PRDM5: variants seen among roughly 807,000 people sequenced by gnomAD.
The protein encoded by PRDM5 is PR domain zinc finger protein 5.
In PRDM5, 56 loss-of-function variants were observed where a neutral mutation model predicts 81.2. That is an observed-to-expected ratio of 0.69 (90% CI 0.56 to 0.86). The LOEUF (loss-of-function observed/expected upper bound fraction) is 0.86, where lower values mean the gene tolerates loss of function less well. Among genes scored for constraint, PRDM5 ranks in the 40% least tolerant of loss-of-function variants. PRDM5 has a pLI of 0.00. For missense variants in PRDM5, 697 were observed against 770.1 expected (o/e 0.91, Z 1.12); for synonymous variants, 267 against 256.4 (o/e 1.04, Z -0.39).
chr4:120,762,357 A>G (rs1168319700), intron 13 of PRDM5: 1 of 152,208 alleles, frequency 6.6e-6, no homozygotes, highest in Non-Finnish European at 1.5e-5. Flanking sequence ...AAACCTCAAA[A>G]GTGTATGTTT....
intron 14 of PRDM5, among the ~76,000 whole-genome samples, chr4:120,733,905 A>C (rs1005829951): frequency 7.2e-5 from 11 of 152,056 alleles, no homozygotes; most frequent in Admixed American, 2.0e-4. Flanking sequence ...AAAAAAAAAA[A>C]AACAAAAAAA....
At chr4:120,852,613 T>C (rs1407119854) in intron 3 of PRDM5, among the ~76,000 whole-genome samples, 1 of 152,018 alleles carries the variant, frequency 6.6e-6, no homozygotes, top group East Asian at 1.9e-4. Flanking sequence ...ATTTTAAACT[T>C]ACCAGCTCCT....
intron 2 of PRDM5, among the ~76,000 whole-genome samples, chr4:120,875,583 A>G (rs1004412152): frequency 3.3e-5 from 5 of 152,252 alleles, no homozygotes; most frequent in African/African-American, 1.2e-4. Context: ...AGTTTCCACA[A>G]GAAAACTGGC....
chr4:120,796,150 G>T (rs1751320684), intron 10 of PRDM5, among the ~76,000 whole-genome samples: 1 of 151,992 alleles, frequency 6.6e-6, no homozygotes, highest in African/African-American at 2.4e-5. Context: ...AATTTCTGTG[G>T]CATATCCTTA....
chr4:120,740,332 T>C (rs544737020), intron 14 of PRDM5, among the ~76,000 whole-genome samples: 34 of 152,320 alleles, frequency 2.2e-4, no homozygotes, highest in African/African-American at 8.2e-4. Flanking sequence ...TAAACTATTC[T>C]TAAAAGTTAT....
chr4:120,891,142 T>C (rs888985248), intron 2 of PRDM5, among the ~76,000 whole-genome samples: 3 of 152,214 alleles, frequency 2.0e-5, no homozygotes, highest in Non-Finnish European at 2.9e-5. Context: ...CAGAATTTGA[T>C]TGTGAATCCA....
intron 2 of PRDM5, among the ~76,000 whole-genome samples, chr4:120,885,150 A>AAAAGT: frequency 6.9e-6 from 1 of 144,498 alleles, no homozygotes; most frequent in African/African-American, 2.7e-5. Flanking sequence ...AAAAAAAAAA[A>AAAAGT]AAAAAAGTAA....
intron 15 of PRDM5, among the ~76,000 whole-genome samples, chr4:120,708,548 G>T: frequency 6.6e-6 from 1 of 152,006 alleles, no homozygotes; most frequent in Non-Finnish European, 1.5e-5. Flanking sequence ...AAATATTTTG[G>T]AGTTAGAGAG....
chr4:120,804,863 G>T (rs1752673594), intron 8 of PRDM5, among the ~76,000 whole-genome samples: 1 of 152,000 alleles, frequency 6.6e-6, no homozygotes, highest in South Asian at 2.1e-4. Context: ...AGCAGAACTG[G>T]AGGAAACAGA....
chr4:120,792,466 T>C (rs1750718929), intron 10 of PRDM5, among the ~76,000 whole-genome samples: 1 of 152,196 alleles, frequency 6.6e-6, no homozygotes, highest in African/African-American at 2.4e-5. Flanking sequence ...ATACTGTTGG[T>C]TGAAATGTAA....
At chr4:120,802,745 A>T (rs1434508421) in intron 8 of PRDM5, among the ~76,000 whole-genome samples, 1 of 152,234 alleles carries the variant, frequency 6.6e-6, no homozygotes, top group Non-Finnish European at 1.5e-5. Flanking sequence ...ATAAAACTAC[A>T]AAGATGGGGA....
chr4:120,895,539 C>T (rs1243731167), intron 2 of PRDM5: 1 of 152,460 alleles, frequency 6.6e-6, no homozygotes, highest in South Asian at 2.1e-4. Context: ...CACATCAACA[C>T]CATCTTCATC....
chr4:120,804,583 C>A (rs1264315058), intron 8 of PRDM5, among the ~76,000 whole-genome samples: 1 of 152,212 alleles, frequency 6.6e-6, no homozygotes, highest in Non-Finnish European at 1.5e-5. Flanking sequence ...AACTGAACAA[C>A]CTGCTCCTGA....
rs1754076208 is a variant in PRDM5 at position 120,813,219 on chromosome 4, T to C, written c.866-1770A>G. Among the ~76,000 whole-genome samples, 3 of 152,332 alleles carry C rather than the reference T, an allele frequency of 2.0e-5. No homozygotes were observed. The South Asian group carries it at 6.2e-4, about 32-fold the overall frequency. On this transcript the variant is annotated intron_variant, in intron 7 of 15. Coordinates refer to ENST00000264808, the MANE Select transcript of PRDM5 (RefSeq NM_018699.4). The stretch of plus-strand genomic sequence containing the variant: ...AAATGAAGAGGCAATCAAACATTAT[T>C]AAATGTGATATAATAATATCAAATG...
At chr4:120,890,704 G>C (rs1763951077) in intron 2 of PRDM5, among the ~76,000 whole-genome samples, 1 of 152,142 alleles carries the variant, frequency 6.6e-6, no homozygotes. Flanking sequence ...GTTTTGATTT[G>C]CATATCTCTA....
rs1013689167 is a variant in PRDM5 at position 120,738,725 on chromosome 4, G to A, written c.1623+15828C>T. On this transcript the variant is annotated intron_variant, in intron 14 of 15. Coordinates refer to ENST00000264808, the MANE Select transcript of PRDM5 (RefSeq NM_018699.4). ...ACATTTAGTAAGTGCTCACTTTAGA[G>A]CTCTGTCCATAAATGTTTATCATTT... is the stretch of plus-strand genomic sequence containing the variant. Among the ~76,000 whole-genome samples, 10 of 152,162 alleles carry A rather than the reference G, an allele frequency of 6.6e-5. No homozygotes were observed. The East Asian group carries it at 7.7e-4, about 12-fold the overall frequency.
intron 2 of PRDM5, among the ~76,000 whole-genome samples, chr4:120,865,745 C>G (rs1761136106): frequency 6.6e-6 from 1 of 152,136 alleles, no homozygotes; most frequent in Admixed American, 6.5e-5. Flanking sequence ...GCATCACTTA[C>G]ACTGTCCTCA....
At chr4:120,766,110 C>T (rs1746352674) in intron 13 of PRDM5, among the ~76,000 whole-genome samples, 1 of 152,092 alleles carries the variant, frequency 6.6e-6, no homozygotes, top group Non-Finnish European at 1.5e-5. Context: ...CAGGTGTGCA[C>T]CACCACGCCC....
intron 3 of PRDM5, among the ~76,000 whole-genome samples, chr4:120,825,582 A>G (rs781337274): frequency 2.6e-5 from 4 of 152,122 alleles, no homozygotes; most frequent in Non-Finnish European, 4.4e-5. Context: ...TCCACTACTC[A>G]CTGCTACAGT....
Sources: gnomAD v4.1 joint callset for allele counts (sites outside exome capture counted in the v4.1 genomes callset) on GRCh38, gnomAD v4.1.1 for gene constraint, MANE v1.5 for transcripts, NCBI Gene and HGNC (gene_info 2026-07-23, HGNC 2026-07-21) for gene names.